The following CNTN5 variants were observed in gnomAD, a reference collection of about 807,000 sequenced individuals.
The protein encoded by CNTN5 is contactin-5.
CNTN5 carries 77 observed loss-of-function variants against 129.1 expected under a neutral mutation model. The ratio of observed to expected loss-of-function variants is 0.60; its 90% CI spans 0.50 to 0.72. The LOEUF (loss-of-function observed/expected upper bound fraction) is 0.72, where lower values mean the gene tolerates loss of function less well. CNTN5 is among the 30% of genes least tolerant of loss of function. CNTN5 has a pLI of 0.00. For synonymous variants in CNTN5, 509 were observed against 465.6 expected (o/e 1.09, Z -1.20); for missense variants, 1,478 against 1,328.8 (o/e 1.11, Z -1.75).
intron 1 of CNTN5, among the ~76,000 whole-genome samples, chr11:99,242,465 A>G (rs74637028): frequency 0.093 from 14,085 of 152,168 alleles, 702 homozygotes; most frequent in Middle Eastern, 0.12. Context: ...TGTAAGCTCC[A>G]TTAGGGCAAA....
At chr11:100,035,815 G>T (rs1341110678) in intron 9 of CNTN5, among the ~76,000 whole-genome samples, 2 of 151,018 alleles carry the variant, frequency 1.3e-5, no homozygotes, top group African/African-American at 4.9e-5. Context: ...TTTTGATGGG[G>T]TTGTTTTTTT....
intron 1 of CNTN5, among the ~76,000 whole-genome samples, chr11:99,294,326 T>C (rs1211370816): frequency 6.6e-6 from 1 of 152,164 alleles, no homozygotes; most frequent in Non-Finnish European, 1.5e-5. Context: ...GAAGGTGCAG[T>C]ATACTAACTC....
chr11:99,970,483 TTA>T (rs1406629596), intron 8 of CNTN5, among the ~76,000 whole-genome samples: 1 of 152,198 alleles, frequency 6.6e-6, no homozygotes, highest in African/African-American at 2.4e-5. Flanking sequence ...CTTTACCTGT[TTA>T]TGTCTCAATA....
At chr11:99,261,005 T>C (rs1448543282) in intron 1 of CNTN5, among the ~76,000 whole-genome samples, 1 of 151,944 alleles carries the variant, frequency 6.6e-6, no homozygotes, top group African/African-American at 2.4e-5. Context: ...ATAGATAAAC[T>C]TAAAGAGATT....
intron 2 of CNTN5, among the ~76,000 whole-genome samples, chr11:99,347,172 T>C (rs1383188065): frequency 6.6e-6 from 1 of 152,168 alleles, no homozygotes; most frequent in East Asian, 1.9e-4. Flanking sequence ...AGTTTCAAGT[T>C]CAATCACAAT....
At chr11:99,640,657 C>T (rs1951737073) in intron 3 of CNTN5, among the ~76,000 whole-genome samples, 1 of 152,152 alleles carries the variant, frequency 6.6e-6, no homozygotes, top group African/African-American at 2.4e-5. Flanking sequence ...TAATTGCCTA[C>T]AGTATTCTAC....
At chr11:99,382,552 A>C (rs1489151405) in intron 2 of CNTN5, among the ~76,000 whole-genome samples, 1 of 152,144 alleles carries the variant, frequency 6.6e-6, no homozygotes, top group Non-Finnish European at 1.5e-5. Flanking sequence ...AAGAAAACAA[A>C]TACCTGTGTG....
chr11:99,168,466 G>C (rs1298459796), intron 1 of CNTN5, among the ~76,000 whole-genome samples: 1 of 152,120 alleles, frequency 6.6e-6, no homozygotes, highest in African/African-American at 2.4e-5. Flanking sequence ...TGTAGTCCCA[G>C]CTACTTGGGA....
At chr11:99,748,835 T>C (rs1277795107) in intron 3 of CNTN5, among the ~76,000 whole-genome samples, 1 of 152,212 alleles carries the variant, frequency 6.6e-6, no homozygotes, top group Non-Finnish European at 1.5e-5. Context: ...TCTTCTTTAC[T>C]CACTCTACTG....
intron 3 of CNTN5, among the ~76,000 whole-genome samples, chr11:99,735,040 C>T (rs1046622954): frequency 3.3e-5 from 5 of 151,958 alleles, no homozygotes; most frequent in African/African-American, 9.7e-5. Context: ...TTCTGTAACC[C>T]ACTGTGTTAT....
At position 99,177,417 on chromosome 11, in the gene CNTN5, A is replaced by G. The variant is rs547160296; in HGVS notation, c.-209-147929A>G. ...GAGTGAATAAATGAATGAGTTAACCAATGAGACATTTAACGAAATAGGGCT... is the reference window on the plus strand; with the variant it reads ...GAGTGAATAAATGAATGAGTTAACCGATGAGACATTTAACGAAATAGGGCT... On this transcript the variant is annotated intron_variant, in intron 1 of 24. Coordinates refer to ENST00000524871, the MANE Select transcript of CNTN5 (RefSeq NM_014361.4). 1.1e-4 allele frequency among the ~76,000 whole-genome samples: 17 copies of G among 152,364 alleles called. 1 individual carries two copies. The South Asian group carries it at 3.3e-3, about 30-fold the overall frequency.
chr11:100,197,137 G>C (rs1039158950), intron 15 of CNTN5, among the ~76,000 whole-genome samples: 1 of 151,936 alleles, frequency 6.6e-6, no homozygotes, highest in South Asian at 2.1e-4. Context: ...ATCTCAGACA[G>C]AGCGAGCACG....
At position 99,426,084 on chromosome 11, in the gene CNTN5, A is replaced by G. The variant is rs1434332288; in HGVS notation, c.-71+100600A>G. On this transcript the variant is annotated intron_variant, in intron 2 of 24. Transcript: ENST00000524871. ...ATATTAATAGCATATTTATAAAAAT[A>G]TAATCTAAAAAGAATTAAACACCAT... 4.6e-5 allele frequency among the ~76,000 whole-genome samples: 7 copies of G among 152,366 alleles called. No homozygotes were observed. In the East Asian group the frequency reaches 1.2e-3, roughly 25 times the overall value.
chr11:100,139,441 T>TCA (rs1206743945), intron 13 of CNTN5, among the ~76,000 whole-genome samples: 1 of 152,208 alleles, frequency 6.6e-6, no homozygotes, highest in African/African-American at 2.4e-5. Context: ...ATGGTGCTGA[T>TCA]ATGTCAAGTA....
At chr11:99,120,489 T>A (rs1167773893) in intron 1 of CNTN5, 1 of 152,228 alleles carries the variant, frequency 6.6e-6, no homozygotes, top group Non-Finnish European at 1.5e-5. Flanking sequence ...CAGTGCTGGT[T>A]TAGAAACGGA....
At chr11:99,391,739 T>C (rs970705940) in intron 2 of CNTN5, among the ~76,000 whole-genome samples, 46 of 152,148 alleles carry the variant, frequency 3.0e-4, no homozygotes, top group African/African-American at 1.1e-3. Context: ...AAGAATTTAG[T>C]ATAAGGGTAT....
intron 13 of CNTN5, among the ~76,000 whole-genome samples, chr11:100,152,722 TTTAA>T (rs1947110259): frequency 1.3e-5 from 2 of 152,284 alleles, no homozygotes; most frequent in Admixed American, 6.5e-5. Flanking sequence ...TTTCACTATT[TTTAA>T]TTAATGTTAA....
intron 7 of CNTN5, among the ~76,000 whole-genome samples, chr11:99,937,275 A>C (rs1460571529): frequency 1.3e-5 from 2 of 152,220 alleles, no homozygotes; most frequent in Admixed American, 6.5e-5. Flanking sequence ...TGCAGTTCTG[A>C]GATCTCTCTG....
chr11:99,053,063 T>C (rs1274697956), intron 1 of CNTN5, among the ~76,000 whole-genome samples: 2 of 151,886 alleles, frequency 1.3e-5, no homozygotes, highest in Non-Finnish European at 2.9e-5. Flanking sequence ...TACTCCCTCT[T>C]ATGTGCCAAT....
Sources: allele counts gnomAD v4.1 joint callset (sites outside exome capture counted in the v4.1 genomes callset), GRCh38; gene constraint gnomAD v4.1.1; transcripts MANE v1.5; gene names NCBI Gene and HGNC (gene_info 2026-07-23, HGNC 2026-07-21).